MEGF11: variants seen among roughly 807,000 people sequenced by gnomAD.
The protein encoded by MEGF11 is multiple epidermal growth factor-like domains protein 11.
Under a neutral mutation model 146.6 loss-of-function variants are expected in MEGF11, and 126 were observed. The observed-to-expected ratio is 0.86, with a 90% CI of 0.74 to 1.00. MEGF11 has a LOEUF of 1.00. Among genes scored for constraint, MEGF11 ranks in the 50% least tolerant of loss-of-function variants. The pLI, the probability that MEGF11 is intolerant of heterozygous loss-of-function variation, is 0.00. For synonymous variants in MEGF11, 532 were observed against 583.4 expected (o/e 0.91, Z 1.27); for missense variants, 1,509 against 1,521.2 (o/e 0.99, Z 0.13).
intron 5 of MEGF11, among the ~76,000 whole-genome samples, chr15:66,072,879 C>A (rs553026333): frequency 1.6e-4 from 25 of 152,308 alleles, no homozygotes; most frequent in Non-Finnish European, 3.5e-4. Flanking sequence ...TCTGCAAGGC[C>A]CCGGTCTCTG....
chr15:66,206,744 C>CA (rs1373411775), intron 1 of MEGF11, among the ~76,000 whole-genome samples: 4 of 150,622 alleles, frequency 2.7e-5, no homozygotes, highest in South Asian at 2.1e-4. Context: ...ACTAAAAGTA[C>CA]AAAAAAAAAT....
intron 19 of MEGF11, among the ~76,000 whole-genome samples, chr15:65,915,153 G>A (rs1297132860): frequency 6.6e-6 from 1 of 152,232 alleles, no homozygotes; most frequent in Non-Finnish European, 1.5e-5. Flanking sequence ...GACACCTGGC[G>A]GGTAAGGCAG....
intron 1 of MEGF11, among the ~76,000 whole-genome samples, chr15:66,169,004 T>C (rs932254770): frequency 6.6e-6 from 1 of 152,132 alleles, no homozygotes; most frequent in Admixed American, 6.5e-5. Flanking sequence ...TAAAATAAAA[T>C]AAAAGTCACC....
intron 5 of MEGF11, among the ~76,000 whole-genome samples, chr15:66,056,544 A>G (rs2084681575): frequency 6.6e-6 from 1 of 152,110 alleles, no homozygotes; most frequent in African/African-American, 2.4e-5. Context: ...TGGGCCTACA[A>G]CTCGTAATTC....
intron 5 of MEGF11, among the ~76,000 whole-genome samples, chr15:66,049,866 G>A (rs1000812112): frequency 6.6e-6 from 1 of 152,128 alleles, no homozygotes; most frequent in Non-Finnish European, 1.5e-5. Flanking sequence ...CAATAGTCAC[G>A]GCGTCTAGCC....
At chr15:66,162,515 C>A (rs2141081158) in intron 1 of MEGF11, among the ~76,000 whole-genome samples, 1 of 152,148 alleles carries the variant, frequency 6.6e-6, no homozygotes, top group African/African-American at 2.4e-5. Context: ...GCACAAGATG[C>A]TAGAGACAAA....
At chr15:66,232,612 G>A (rs2091991134) in intron 1 of MEGF11, among the ~76,000 whole-genome samples, 4 of 152,140 alleles carry the variant, frequency 2.6e-5, no homozygotes, top group Admixed American at 2.0e-4. Flanking sequence ...GAACCTTAGG[G>A]TCTGAACCCT....
Position 65,949,825 on chromosome 15 carries a change from A to G in MEGF11, c.1287+7722T>C, listed in dbSNP as rs16949135. 5.1e-3 allele frequency among the ~76,000 whole-genome samples: 777 copies of G among 152,294 alleles called. 10 individuals carry two copies. Among genetic ancestry groups the G allele is most frequent in the African/African-American group, 0.018 (734 of 41,558 alleles). On this transcript the variant is annotated intron_variant, in intron 10 of 25. Transcript: ENST00000395614. Reference sequence around the variant, plus strand: ...GTCCTACAGCAGTGGAGGAGGCTCCATCAGTCTGGCCGCCTAGGTGAGGCC... The same window carrying G: ...GTCCTACAGCAGTGGAGGAGGCTCCGTCAGTCTGGCCGCCTAGGTGAGGCC...
At chr15:66,172,304 G>GT (rs1254194600) in intron 1 of MEGF11, among the ~76,000 whole-genome samples, 2 of 152,196 alleles carry the variant, frequency 1.3e-5, no homozygotes, top group African/African-American at 4.8e-5. Context: ...GAGCTGGAAG[G>GT]CTACCTAGTC....
chr15:66,192,231 G>A (rs2090901565), intron 1 of MEGF11, among the ~76,000 whole-genome samples: 1 of 152,038 alleles, frequency 6.6e-6, no homozygotes, highest in South Asian at 2.1e-4. Flanking sequence ...ACTTTGAGAG[G>A]CCGAGGCGGG....
intron 7 of MEGF11, among the ~76,000 whole-genome samples, chr15:65,974,198 T>G (rs144874040): frequency 6.6e-6 from 1 of 152,144 alleles, no homozygotes; most frequent in Non-Finnish European, 1.5e-5. Context: ...CCAGTTTACT[T>G]GTAATGAGTT....
At chr15:65,944,087 T>C (rs1009449556) in intron 10 of MEGF11, among the ~76,000 whole-genome samples, 2 of 152,202 alleles carry the variant, frequency 1.3e-5, no homozygotes, top group African/African-American at 4.8e-5. Context: ...TGTGCATTTA[T>C]TCAACACATA....
intron 5 of MEGF11, among the ~76,000 whole-genome samples, chr15:66,089,997 C>T (rs924741269): frequency 2.6e-5 from 4 of 152,232 alleles, no homozygotes; most frequent in Non-Finnish European, 5.9e-5. Flanking sequence ...CATAGTGGTC[C>T]ATCTAACAGC....
intron 5 of MEGF11, among the ~76,000 whole-genome samples, chr15:66,048,973 T>A (rs953410221): frequency 5.9e-5 from 9 of 152,250 alleles, no homozygotes; most frequent in African/African-American, 1.9e-4. Context: ...CCCAGCTCTC[T>A]CTCCTCTCAG....
At chr15:66,095,842 C>T (rs186895754) in intron 4 of MEGF11, among the ~76,000 whole-genome samples, 5 of 152,334 alleles carry the variant, frequency 3.3e-5, no homozygotes, top group Non-Finnish European at 7.4e-5. Context: ...TGTGGTGCTT[C>T]CCCAGTGCTG....
In MEGF11 at chr15:65,896,606, T is replaced by G. The variant is rs1277624539; in HGVS notation, c.*1328A>C. 1 of 152,666 alleles carries G rather than the reference T, an allele frequency of 6.6e-6. No individual in the cohort carries two copies. Among genetic ancestry groups the G allele is most frequent in the African/African-American group, 2.4e-5 (1 of 41,454 alleles). 9.5% of individuals were successfully genotyped at this position (152,666 alleles called of 1,614,324 possible). On this transcript the variant is annotated 3_prime_UTR_variant, in exon 26 of 26. Coordinates refer to ENST00000395614, the MANE Select transcript of MEGF11 (RefSeq NM_001385028.1). ...TTGTTTTTAATTCTTGTGAGAAGGT[T>G]CTCTTTAGGGCTTGGGAGTTGATTT...
At chr15:66,054,829 G>C (rs554610075) in intron 5 of MEGF11, among the ~76,000 whole-genome samples, 1 of 152,280 alleles carries the variant, frequency 6.6e-6, no homozygotes, top group African/African-American at 2.4e-5. Flanking sequence ...GTGGTAAAGG[G>C]AAGATTAAAG....
intron 1 of MEGF11, among the ~76,000 whole-genome samples, chr15:66,171,043 CT>C (rs1256362976): frequency 6.6e-6 from 1 of 152,210 alleles, no homozygotes; most frequent in African/African-American, 2.4e-5. Context: ...TTTCAGGTTT[CT>C]TTCTGAAAAG....
chr15:66,084,980 G>C (rs767998870), intron 5 of MEGF11, among the ~76,000 whole-genome samples: 1 of 152,182 alleles, frequency 6.6e-6, no homozygotes, highest in African/African-American at 2.4e-5. Flanking sequence ...AAGGGGGGAC[G>C]GGGTGCAGCA....
Sources: gnomAD v4.1 joint callset for allele counts (sites outside exome capture counted in the v4.1 genomes callset) on GRCh38, gnomAD v4.1.1 for gene constraint, MANE v1.5 for transcripts, NCBI Gene and HGNC (gene_info 2026-07-23, HGNC 2026-07-21) for gene names.